The following NKAIN2 variants were observed in gnomAD, a reference collection of about 807,000 sequenced individuals.
The protein encoded by NKAIN2 is sodium/potassium transporting ATPase interacting 2, also known as sodium/potassium-transporting ATPase subunit beta-1-interacting protein 2.
Under a neutral mutation model 32.6 loss-of-function variants are expected in NKAIN2, and 14 were observed. The ratio of observed to expected loss-of-function variants is 0.43; its 90% CI spans 0.28 to 0.67. The LOEUF is 0.67. Ranked by LOEUF, NKAIN2 falls within the 30% of genes least tolerant of loss-of-function variation. The pLI is 0.17. For missense variants in NKAIN2, 198 were observed against 258.3 expected (o/e 0.77, Z 1.60); for synonymous variants, 80 against 87.2 (o/e 0.92, Z 0.46).
intron 1 of NKAIN2, among the ~76,000 whole-genome samples, chr6:124,161,483 A>G (rs1788273162): frequency 6.6e-6 from 1 of 152,164 alleles, no homozygotes; most frequent in African/African-American, 2.4e-5. Flanking sequence ...TCAATAAAAC[A>G]TGAATCTGAA....
chr6:124,703,361 C>A lies in NKAIN2; in HGVS notation c.474+44975C>A, dbSNP rs137916392. On this transcript the variant is annotated intron_variant, in intron 4 of 6. Transcript: ENST00000368417. ...CAACATAAACTTTAAATCATGAGTA[C>A]TGATTACCGCTTAGCATTGTTTCCT... Among the ~76,000 whole-genome samples the A allele has an allele frequency of 2.6e-5, 4 of 152,142 alleles. No homozygotes were observed. In the East Asian group the frequency reaches 5.8e-4, roughly 22 times the overall value.
chr6:124,185,618 G>T (rs1024438856), intron 1 of NKAIN2, among the ~76,000 whole-genome samples: 2 of 152,088 alleles, frequency 1.3e-5, no homozygotes, highest in African/African-American at 4.8e-5. Flanking sequence ...GAAAATCCAA[G>T]AAAGTAGAAG....
intron 1 of NKAIN2, among the ~76,000 whole-genome samples, chr6:124,174,153 G>T (rs1789038734): frequency 6.6e-6 from 1 of 152,070 alleles, no homozygotes; most frequent in Admixed American, 6.6e-5. Context: ...TTTGATATGA[G>T]CGAGGTGGTA....
chr6:123,891,061 A>T (rs1345338665), intron 1 of NKAIN2, among the ~76,000 whole-genome samples: 2 of 152,148 alleles, frequency 1.3e-5, no homozygotes, highest in East Asian at 3.9e-4. Context: ...TGAACCTTGA[A>T]TACATTTGCC....
intron 4 of NKAIN2, among the ~76,000 whole-genome samples, chr6:124,690,792 A>G (rs752887690): frequency 5.9e-5 from 9 of 152,246 alleles, no homozygotes; most frequent in Non-Finnish European, 1.3e-4. Flanking sequence ...TTTCTCCTCA[A>G]TTCAATTGAA....
chr6:124,112,018 TTG>T (rs1785409721), intron 1 of NKAIN2, among the ~76,000 whole-genome samples: 1 of 152,138 alleles, frequency 6.6e-6, no homozygotes, highest in South Asian at 2.1e-4. Flanking sequence ...CTTTTAATAA[TTG>T]TGTTTGTATC....
chr6:124,451,662 GA>G (rs749530889), intron 3 of NKAIN2, among the ~76,000 whole-genome samples: 1 of 152,152 alleles, frequency 6.6e-6, no homozygotes, highest in Non-Finnish European at 1.5e-5. Context: ...AAGAGCCTTA[GA>G]AAGATTTCTT....
chr6:124,163,847 A>C (rs1189723431), intron 1 of NKAIN2, among the ~76,000 whole-genome samples: 2 of 152,156 alleles, frequency 1.3e-5, no homozygotes, highest in South Asian at 2.1e-4. Context: ...GGAAAGATTT[A>C]ATATGGAAAA....
At chr6:124,487,368 A>C (rs918955069) in intron 3 of NKAIN2, among the ~76,000 whole-genome samples, 1 of 152,170 alleles carries the variant, frequency 6.6e-6, no homozygotes, top group Admixed American at 6.6e-5. Context: ...TGGTCCAGTA[A>C]AAGTCGCTTT....
chr6:124,708,176 G>T (rs983794710), intron 4 of NKAIN2, among the ~76,000 whole-genome samples: 4 of 143,896 alleles, frequency 2.8e-5, no homozygotes, highest in African/African-American at 7.9e-5. Flanking sequence ...ATTTCTGAGG[G>T]CTCTGTTCTG....
intron 1 of NKAIN2, among the ~76,000 whole-genome samples, chr6:123,898,605 A>T (rs2114403838): frequency 6.7e-6 from 1 of 149,958 alleles, no homozygotes; most frequent in African/African-American, 2.5e-5. Context: ...TGTCCACAAG[A>T]TATAATTAGA....
chr6:124,261,389 T>A (rs968846112), intron 1 of NKAIN2, among the ~76,000 whole-genome samples: 14 of 152,220 alleles, frequency 9.2e-5, no homozygotes, highest in African/African-American at 3.1e-4. Context: ...CCATTTTGAA[T>A]TATCAAGGAA....
chr6:124,658,068 G>GAA (rs796178278), intron 3 of NKAIN2, 118 bp from the exon 4 acceptor site: 44 of 656,856 alleles, frequency 6.7e-5, no homozygotes, highest in Middle Eastern at 4.6e-4. Context: ...CATGGGGTAG[G>GAA]AAAAAAAAAA....
At chr6:123,932,013 C>T (rs1197454668) in intron 1 of NKAIN2, among the ~76,000 whole-genome samples, 2 of 152,164 alleles carry the variant, frequency 1.3e-5, no homozygotes, top group African/African-American at 4.8e-5. Flanking sequence ...TCATTTTTCA[C>T]TCTCTGCTTT....
intron 2 of NKAIN2, among the ~76,000 whole-genome samples, chr6:124,289,112 A>G (rs1795688215): frequency 6.6e-6 from 1 of 152,180 alleles, no homozygotes; most frequent in Admixed American, 6.5e-5. Context: ...AAACTCTAAG[A>G]CTGTCATAAT....
At chr6:124,365,872 T>C (rs1400370634) in intron 3 of NKAIN2, among the ~76,000 whole-genome samples, 1 of 151,994 alleles carries the variant, frequency 6.6e-6, no homozygotes, top group African/African-American at 2.4e-5. Context: ...TTAAACAATA[T>C]ACTTCTAAAC....
At chr6:124,697,322 AAATT>A (rs1377267373) in intron 4 of NKAIN2, among the ~76,000 whole-genome samples, 1 of 152,190 alleles carries the variant, frequency 6.6e-6, no homozygotes, top group African/African-American at 2.4e-5. Flanking sequence ...AAACACAATT[AAATT>A]AATTAGATGA....
chr6:124,518,285 T>G (rs1455614423), intron 3 of NKAIN2, among the ~76,000 whole-genome samples: 1 of 76,578 alleles, frequency 1.3e-5, no homozygotes, highest in East Asian at 3.3e-4. Context: ...TCAGTGCTGA[T>G]TCTAGTTAAA....
rs140431215 is a variant in NKAIN2, at chr6:124,376,502, T to A, written c.273+21155T>A. Among the ~76,000 whole-genome samples, 1,284 of 152,272 alleles carry A rather than the reference T, an allele frequency of 8.4e-3. 16 individuals are homozygous for A. The highest frequency in any genetic ancestry group is 0.028 in the African/African-American group (1,155 of 41,572). On this transcript the variant is annotated intron_variant, in intron 3 of 6. Transcript: ENST00000368417. The stretch of plus-strand genomic sequence containing the variant: ...GCAATAAAGCCTCCTGCAAGGAGAA[T>A]TAGCATTGAGTGTATGCAATATGTA...
Sources: allele counts gnomAD v4.1 joint callset (sites outside exome capture counted in the v4.1 genomes callset), GRCh38; gene constraint gnomAD v4.1.1; transcripts MANE v1.5; gene names NCBI Gene and HGNC (gene_info 2026-07-23, HGNC 2026-07-21).